ERAP1: variants seen among roughly 807,000 people sequenced by gnomAD.
ERAP1 encodes adipocyte-derived leucine aminopeptidase.
A neutral mutation model predicts 103.7 loss-of-function variants in ERAP1; 86 were observed. That is an observed-to-expected ratio of 0.83 (90% CI 0.70 to 0.99). ERAP1 has a LOEUF of 0.99. Ranked by LOEUF, ERAP1 falls within the 50% of genes least tolerant of loss-of-function variation. The pLI, the probability that ERAP1 is intolerant of heterozygous loss-of-function variation, is 0.00. For synonymous variants in ERAP1, 398 were observed against 402.4 expected (o/e 0.99, Z 0.13); for missense variants, 1,009 against 1,128.4 (o/e 0.89, Z 1.52).
At chr5:96,935,830 C>CGGGG in the ERAP1 span, 1 of 352,470 alleles carries the variant, frequency 2.8e-6, no homozygotes, top group Non-Finnish European at 5.2e-6. Context: ...CGTTCCCGGC[C>CGGGG]GGGGAGAGCG....
the ERAP1 span, chr5:96,913,445 A>C: frequency 3.1e-6 from 5 of 1,613,946 alleles, no homozygotes; most frequent in African/African-American, 4.0e-5. Flanking sequence ...AATTGGACCC[A>C]TCTTCTGAAA....
the ERAP1 span, chr5:96,873,168 G>C: frequency 2.8e-6 from 1 of 359,216 alleles, no homozygotes; most frequent in Admixed American, 3.4e-5. Context: ...CAGCCTGGGT[G>C]ACAGAGTGAG....
At chr5:96,800,711 C>T in intron 3 of ERAP1, 151 bp downstream of exon 3, 1 of 855,710 alleles carries the variant, frequency 1.2e-6, no homozygotes, top group Non-Finnish European at 1.8e-6. Flanking sequence ...TGGCTTGAAA[C>T]AAAAGCATAG....
chr5:96,860,736 A>G, the ERAP1 span, among the ~76,000 whole-genome samples: 1 of 151,998 alleles, frequency 6.6e-6, no homozygotes, highest in Non-Finnish European at 1.5e-5. Flanking sequence ...TAAAAGGGGG[A>G]GCTAATGCAC....
chr5:96,832,811 A>C, the ERAP1 span, among the ~76,000 whole-genome samples: 1 of 152,174 alleles, frequency 6.6e-6, no homozygotes, highest in Non-Finnish European at 1.5e-5. Flanking sequence ...TGCATTCATG[A>C]TCCCTTTGGG....
At chr5:96,836,176 GTTT>G in the ERAP1 span, among the ~76,000 whole-genome samples, 1 of 106,658 alleles carries the variant, frequency 9.4e-6, no homozygotes, top group East Asian at 2.8e-4. Flanking sequence ...CACCTCTTTG[GTTT>G]TTTTTTTTTT....
At chr5:96,803,357 C>T (rs764852798) in intron 2 of ERAP1, 46 bp downstream of exon 2, 19 of 1,537,930 alleles carry the variant, frequency 1.2e-5, no homozygotes, top group Middle Eastern at 3.4e-4. Context: ...ATGAATTTAG[C>T]GTGGGCAGCA....
At chr5:96,815,912 A>G in the ERAP1 span, among the ~76,000 whole-genome samples, 1 of 152,144 alleles carries the variant, frequency 6.6e-6, no homozygotes, top group Non-Finnish European at 1.5e-5. Flanking sequence ...GTGTGGATAG[A>G]CGGATGGATG....
At chr5:96,861,216 T>C in the ERAP1 span, among the ~76,000 whole-genome samples, 1 of 152,232 alleles carries the variant, frequency 6.6e-6, no homozygotes, top group Non-Finnish European at 1.5e-5. Context: ...CTGCTGGTCT[T>C]ATCACTTGCT....
At chr5:96,800,779 A>C in intron 3 of ERAP1, 83 bp downstream of exon 3, 1 of 1,448,276 alleles carries the variant, frequency 6.9e-7, no homozygotes, top group Non-Finnish European at 9.7e-7. Context: ...CAGGTGACCC[A>C]ATGTTGACTG....
the ERAP1 span, among the ~76,000 whole-genome samples, chr5:96,914,154 A>T: frequency 6.6e-6 from 1 of 151,024 alleles, no homozygotes; most frequent in African/African-American, 2.4e-5. Context: ...TCTCTCACAC[A>T]CACACACACA....
the ERAP1 span, chr5:96,918,132 G>A: frequency 6.6e-6 from 1 of 152,288 alleles, no homozygotes; most frequent in African/African-American, 2.4e-5. Context: ...GGAGTGGTGG[G>A]GGAAGGCCAG....
chr5:96,783,980 G>GA lies in ERAP1; in HGVS notation c.2043dup (p.Pro682SerfsTer4). ...CTTTTCTCCATTAACTTATACATAG[G>GA]AATCAGCTCATTCAAACCTTGAAAC... is the stretch of plus-strand genomic sequence containing the variant. On this transcript the variant is annotated frameshift_variant, in exon 14 of 19. Coordinates refer to ENST00000443439, the MANE Select transcript of ERAP1 (RefSeq NM_001040458.3). LOFTEE classifies it high-confidence loss of function. 1 of 1,613,594 alleles carries GA rather than the reference G, an allele frequency of 6.2e-7. No homozygotes were observed. Among genetic ancestry groups the GA allele is most frequent in the Non-Finnish European group, 8.5e-7 (1 of 1,179,850 alleles).
rs1272971538 is a variant in ERAP1 at position 96,803,739 on chromosome 5, T to C, written c.188A>G (p.Tyr63Cys). 2 of 1,614,078 alleles carry C rather than the reference T, an allele frequency of 1.2e-6. No homozygotes were observed. The highest frequency in any genetic ancestry group is 2.7e-5 in the African/African-American group (2 of 74,918). ...AAGGTTTGCATGGATCAAGAGATCA[T>C]AATGAACTGGGATGACGTACTCAGG... ...RLPEYVIPVH[Y>C]DLLIHANLTT... Residue 63 changes from tyrosine (Y) to cysteine (C), a missense_variant, in exon 2 of 19, where the codon TAT becomes TGT. By Grantham distance (194) the Tyr-to-Cys change is radical. Around this residue, in one of 3 missense-constraint regions of ERAP1, gnomAD observed 392 missense variants for 455.2 expected, o/e 0.86. Transcript: ENST00000443439.
At chr5:96,935,775 G>T in the ERAP1 span, 3 of 218,086 alleles carry the variant, frequency 1.4e-5, no homozygotes, top group Non-Finnish European at 1.8e-5. Context: ...GTCCGGGATC[G>T]GGCGGGTCGC....
In ERAP1 at chr5:96,785,849, G is replaced by A; in HGVS notation, c.1882C>T (p.His628Tyr). The A allele has an allele frequency of 6.2e-7, 1 of 1,614,162 alleles. No homozygotes were observed. The highest frequency in any genetic ancestry group is 8.5e-7 in the Non-Finnish European group (1 of 1,180,030). ...CGATCATTACTGCTGACTGCTGTGT[G>A]TGTTCCTTTTAAAAGGCCAGTCAAA... is the stretch of plus-strand genomic sequence containing the variant. The part of the protein sequence containing the change: ...DSLTGLLKGT[H>Y]TAVSSNDRAS... Residue 628 changes from histidine (H) to tyrosine (Y), a missense_variant, in exon 13 of 19, where the codon CAC becomes TAC. His to Tyr is a moderately conservative substitution (Grantham distance 83, BLOSUM62 2). Coordinates refer to ENST00000443439, the MANE Select transcript of ERAP1 (RefSeq NM_001040458.3).
the ERAP1 span, among the ~76,000 whole-genome samples, chr5:96,880,470 A>T: frequency 6.6e-6 from 1 of 152,234 alleles, no homozygotes; most frequent in Non-Finnish European, 1.5e-5. Flanking sequence ...TAGAGGGTGA[A>T]TAACTAGGAG....
intron 3 of ERAP1, among the ~76,000 whole-genome samples, chr5:96,799,668 C>T (rs530363332): frequency 1.3e-5 from 2 of 152,342 alleles, no homozygotes; most frequent in African/African-American, 4.8e-5. Context: ...AATTAAAGAA[C>T]TCACTTCTGT....
At chr5:96,918,852 G>A in the ERAP1 span, 1 of 152,136 alleles carries the variant, frequency 6.6e-6, no homozygotes, top group African/African-American at 2.4e-5. Context: ...TTATAACCCA[G>A]CTTTAGCATT....
Sources: gnomAD v4.1 joint callset for allele counts (sites outside exome capture counted in the v4.1 genomes callset) on GRCh38, gnomAD v4.1.1 for gene constraint, gnomAD v4.1.1 regional missense constraint, MANE v1.5 for transcripts, NCBI Gene and HGNC (gene_info 2026-07-23, HGNC 2026-07-21) for gene names.